ATRNL1: variants seen among roughly 807,000 people sequenced by gnomAD.
The protein encoded by ATRNL1 is attractin-like protein 1.
Under a neutral mutation model 182.7 loss-of-function variants are expected in ATRNL1, and 95 were observed. The ratio of observed to expected loss-of-function variants is 0.52; its 90% CI spans 0.44 to 0.62. ATRNL1 has a LOEUF of 0.62. Ranked by LOEUF, ATRNL1 falls within the 20% of genes least tolerant of loss-of-function variation. The pLI is 0.00. For synonymous variants in ATRNL1, 576 were observed against 568.3 expected (o/e 1.01, Z -0.19); for missense variants, 1,471 against 1,679.5 (o/e 0.88, Z 2.17).
chr10:115,219,257 G>A (rs1012158248), intron 9 of ATRNL1, among the ~76,000 whole-genome samples: 3 of 151,710 alleles, frequency 2.0e-5, no homozygotes, highest in African/African-American at 7.3e-5. Context: ...AAAGAAAAAG[G>A]GATGACGTGT....
chr10:115,582,180 T>G (rs1394253962), intron 26 of ATRNL1, among the ~76,000 whole-genome samples: 1 of 150,814 alleles, frequency 6.6e-6, no homozygotes, highest in Non-Finnish European at 1.5e-5. Flanking sequence ...GTCTTTGCTA[T>G]TGTAAATAGT....
At chr10:115,254,902 C>T (rs1257277918) in intron 10 of ATRNL1, among the ~76,000 whole-genome samples, 11 of 152,248 alleles carry the variant, frequency 7.2e-5, no homozygotes, top group Non-Finnish European at 2.9e-5. Context: ...AATCCTTTCC[C>T]CTTTTCTTGT....
At chr10:115,267,050 T>A in intron 12 of ATRNL1, 45 bp downstream of exon 12, 1 of 1,345,190 alleles carries the variant, frequency 7.4e-7, no homozygotes, top group Non-Finnish European at 1.1e-6. Context: ...AAAATTTCTC[T>A]TCTACAGAAG....
At chr10:115,757,249 A>G (rs1948614756) in intron 27 of ATRNL1, among the ~76,000 whole-genome samples, 1 of 152,114 alleles carries the variant, frequency 6.6e-6, no homozygotes, top group African/African-American at 2.4e-5. Context: ...GTTTCTTCCT[A>G]GTGTCGATGT....
chr10:115,681,564 C>T (rs1290328629), intron 26 of ATRNL1, among the ~76,000 whole-genome samples: 5 of 152,108 alleles, frequency 3.3e-5, no homozygotes, highest in South Asian at 4.1e-4. Flanking sequence ...AGTATCCTTC[C>T]GTTTGATAGA....
intron 26 of ATRNL1, among the ~76,000 whole-genome samples, chr10:115,564,837 CA>C (rs1853979171): frequency 6.6e-6 from 1 of 151,862 alleles, no homozygotes; most frequent in Non-Finnish European, 1.5e-5. Flanking sequence ...CTAATAATAG[CA>C]TATTCTTTAT....
At chr10:115,316,143 G>GT (rs1350592433) in intron 18 of ATRNL1, among the ~76,000 whole-genome samples, 7 of 152,144 alleles carry the variant, frequency 4.6e-5, no homozygotes, top group Non-Finnish European at 8.8e-5. Flanking sequence ...GGTGCATGTT[G>GT]TTCCCCTCCC....
chr10:115,865,784 T>C (rs1224163750), intron 28 of ATRNL1, among the ~76,000 whole-genome samples: 1 of 152,194 alleles, frequency 6.6e-6, no homozygotes, highest in Non-Finnish European at 1.5e-5. Context: ...TGAGGCTTTG[T>C]CTGCTAGGCC....
chr10:115,389,556 A>ATATG (rs1554953843), intron 19 of ATRNL1, among the ~76,000 whole-genome samples: 2 of 75,284 alleles, frequency 2.7e-5, no homozygotes, highest in Non-Finnish European at 5.8e-5. Context: ...ATATATATAT[A>ATATG]TATATATATA....
intron 26 of ATRNL1, among the ~76,000 whole-genome samples, chr10:115,675,883 C>G (rs1555042807): frequency 6.6e-6 from 1 of 152,002 alleles, no homozygotes. Flanking sequence ...GCTCAAAAAG[C>G]TAGTGAGCTA....
At position 115,621,299 on chromosome 10, in the gene ATRNL1, AGAGAGAGAGAGAGAGT is replaced by A. The variant is rs1451514987; in HGVS notation, c.3795+71765_3795+71780del. ...TATAGAGAGAGAGAGAGAGAGAGAG[AGAGAGAGAGAGAGAGT>A]GTGTGAGTGAGTCAGCATCTTACTT... On this transcript the variant is annotated intron_variant, in intron 26 of 28. Coordinates refer to ENST00000355044, the MANE Select transcript of ATRNL1 (RefSeq NM_207303.4). Among the ~76,000 whole-genome samples, 49 of 134,462 alleles carry A rather than the reference AGAGAGAGAGAGAGAGT, an allele frequency of 3.6e-4. 1 individual carries two copies. Among genetic ancestry groups the A allele is most frequent in the South Asian group, 3.2e-3 (13 of 4,044 alleles). 88.2% of individuals were successfully genotyped at this position (134,462 alleles called of 152,430 possible).
chr10:115,596,649 T>C (rs1555014070), intron 26 of ATRNL1, among the ~76,000 whole-genome samples: 1 of 152,142 alleles, frequency 6.6e-6, no homozygotes, highest in African/African-American at 2.4e-5. Context: ...TGGAACTGGC[T>C]AAAAGGTAGA....
At chr10:115,531,305 T>C (rs1449563688) in intron 25 of ATRNL1, among the ~76,000 whole-genome samples, 1 of 152,148 alleles carries the variant, frequency 6.6e-6, no homozygotes, top group Non-Finnish European at 1.5e-5. Context: ...TCCTGACTTT[T>C]TAATGGTTGC....
At chr10:115,515,909 C>T (rs2133690704) in intron 24 of ATRNL1, among the ~76,000 whole-genome samples, 1 of 151,928 alleles carries the variant, frequency 6.6e-6, no homozygotes, top group African/African-American at 2.4e-5. Context: ...TGGCACAACC[C>T]TTTCCTGGTT....
intron 19 of ATRNL1, among the ~76,000 whole-genome samples, chr10:115,336,930 C>T (rs1554936865): frequency 1.3e-5 from 2 of 149,672 alleles, no homozygotes; most frequent in Non-Finnish European, 1.5e-5. Context: ...ACTGCAACCT[C>T]TGTGTCCTGG....
intron 9 of ATRNL1, among the ~76,000 whole-genome samples, chr10:115,216,442 T>C (rs1849236801): frequency 6.6e-6 from 1 of 152,200 alleles, no homozygotes; most frequent in African/African-American, 2.4e-5. Flanking sequence ...TTTTTACTTT[T>C]GCCAAGGTGA....
intron 27 of ATRNL1, among the ~76,000 whole-genome samples, chr10:115,800,300 G>C (rs150106147): frequency 6.6e-5 from 10 of 151,818 alleles, no homozygotes; most frequent in African/African-American, 2.2e-4. Context: ...GTACAGCTAA[G>C]TGACAGGTGA....
At position 115,902,226 on chromosome 10, in the gene ATRNL1, T is replaced by G. The variant is rs903243019; in HGVS notation, c.4019-42432T>G. Among the ~76,000 whole-genome samples, 11 of 152,320 alleles carry G rather than the reference T, an allele frequency of 7.2e-5. No individual in the cohort carries two copies. The East Asian group carries it at 1.9e-3, about 27-fold the overall frequency. Reference sequence around the variant, plus strand: ...GTGCTTTGTATTCTGCCCCATGCTCTGCAGACACACTTAGTAACATCATCT... The same window carrying G: ...GTGCTTTGTATTCTGCCCCATGCTCGGCAGACACACTTAGTAACATCATCT... On this transcript the variant is annotated intron_variant, in intron 28 of 28. Transcript: ENST00000355044.
chr10:115,424,983 C>T (rs782744242), intron 20 of ATRNL1, among the ~76,000 whole-genome samples: 33 of 152,048 alleles, frequency 2.2e-4, no homozygotes, highest in Non-Finnish European at 2.9e-4. Flanking sequence ...ACCCAAAGTT[C>T]CTTTGTTTCA....
Sources: gnomAD v4.1 joint callset for allele counts (sites outside exome capture counted in the v4.1 genomes callset) on GRCh38, gnomAD v4.1.1 for gene constraint, MANE v1.5 for transcripts, NCBI Gene and HGNC (gene_info 2026-07-23, HGNC 2026-07-21) for gene names.